CNTNAP2: variants seen among roughly 807,000 people sequenced by gnomAD.
The protein encoded by CNTNAP2 is contactin associated protein 2.
CNTNAP2 carries 98 observed loss-of-function variants against 155.2 expected under a neutral mutation model. That is an observed-to-expected ratio of 0.63 (90% CI 0.54 to 0.75). The LOEUF is 0.75. Ranked by LOEUF, CNTNAP2 falls within the 30% of genes least tolerant of loss-of-function variation. The pLI, the probability that CNTNAP2 is intolerant of heterozygous loss-of-function variation, is 0.00. For missense variants in CNTNAP2, 1,727 were observed against 1,688.1 expected (o/e 1.02, Z -0.40); for synonymous variants, 651 against 631.2 (o/e 1.03, Z -0.47).
rs1491151424 is a variant in CNTNAP2 at position 146,437,880 on chromosome 7, CGT to C, written c.97+320908_97+320909del. The stretch of plus-strand genomic sequence containing the variant: ...AAACTCATGTGCAATTCCCCAATCT[CGT>C]TTTTTTTTTTGTTTGTTTTTGTCCC... On this transcript the variant is annotated intron_variant, in intron 1 of 23. Transcript: ENST00000361727. Among the ~76,000 whole-genome samples the C allele has an allele frequency of 1.2e-4, 12 of 101,430 alleles. 1 individual carries two copies. Among genetic ancestry groups the C allele is most frequent in the Admixed American group, 1.1e-3 (11 of 10,378 alleles). The allele number at this position is 101,430 out of a possible 152,430, so 66.5% of individuals were successfully genotyped here. A position where few individuals can be genotyped will look rare whatever the true frequency, so the allele number is the denominator to read the frequency against.
intron 14 of CNTNAP2, among the ~76,000 whole-genome samples, chr7:147,915,965 G>A (rs564591782): frequency 3.9e-5 from 6 of 152,256 alleles, no homozygotes; most frequent in Non-Finnish European, 5.9e-5. Flanking sequence ...TTCCTAGAGC[G>A]TCTAACAGCT....
chr7:147,575,394 G>A (rs974426735), intron 12 of CNTNAP2, among the ~76,000 whole-genome samples: 8 of 148,688 alleles, frequency 5.4e-5, no homozygotes, highest in African/African-American at 1.8e-4. Flanking sequence ...GTGTGTGTGT[G>A]TGTGTGTGTG....
At chr7:147,725,435 G>T (rs905864524) in intron 13 of CNTNAP2, among the ~76,000 whole-genome samples, 3 of 152,048 alleles carry the variant, frequency 2.0e-5, no homozygotes, top group African/African-American at 7.2e-5. Context: ...TTCAGAAATT[G>T]TTTATGATCA....
intron 10 of CNTNAP2, among the ~76,000 whole-genome samples, chr7:147,456,077 T>C (rs1441908024): frequency 6.6e-6 from 1 of 152,180 alleles, no homozygotes; most frequent in Non-Finnish European, 1.5e-5. Context: ...TATGACTATA[T>C]TTGTATATAT....
intron 3 of CNTNAP2, among the ~76,000 whole-genome samples, chr7:146,950,712 G>A (rs1797292934): frequency 6.6e-6 from 1 of 152,054 alleles, no homozygotes. Context: ...ATCTGGGCTG[G>A]TTCCAAGTCT....
At chr7:147,949,440 G>GTGTATATATATATATATATATATA (rs374972144) in intron 14 of CNTNAP2, among the ~76,000 whole-genome samples, 2 of 127,364 alleles carry the variant, frequency 1.6e-5, no homozygotes, top group Admixed American at 8.0e-5. Flanking sequence ...TCAACTGTGT[G>GTGTATATATATATATATATATATA]TATATATATA....
At chr7:147,281,609 A>G (rs997368852) in intron 8 of CNTNAP2, among the ~76,000 whole-genome samples, 1 of 151,786 alleles carries the variant, frequency 6.6e-6, no homozygotes, top group Non-Finnish European at 1.5e-5. Context: ...CTTTTGATAA[A>G]TTAAATAATC....
intron 12 of CNTNAP2, among the ~76,000 whole-genome samples, chr7:147,581,783 G>A (rs1309992425): frequency 1.3e-5 from 2 of 152,082 alleles, no homozygotes; most frequent in African/African-American, 4.8e-5. Context: ...GTTTCTAGTG[G>A]TATGACTGTT....
At chr7:147,141,626 A>G (rs781417232) in intron 8 of CNTNAP2, among the ~76,000 whole-genome samples, 1 of 152,094 alleles carries the variant, frequency 6.6e-6, no homozygotes, top group Non-Finnish European at 1.5e-5. Flanking sequence ...AGCTTTAAAA[A>G]TTGCCCAGAG....
chr7:147,775,996 C>A (rs1797578957), intron 13 of CNTNAP2, among the ~76,000 whole-genome samples: 1 of 152,092 alleles, frequency 6.6e-6, no homozygotes, highest in South Asian at 2.1e-4. Flanking sequence ...ACAAACACTG[C>A]AGAGAAGTAG....
intron 3 of CNTNAP2, among the ~76,000 whole-genome samples, chr7:146,930,268 A>G (rs1297424670): frequency 1.3e-5 from 2 of 152,198 alleles, no homozygotes; most frequent in Non-Finnish European, 2.9e-5. Flanking sequence ...GCCAGAAGAG[A>G]GTGGGGGCCA....
At chr7:147,927,550 G>A (rs192044236) in intron 14 of CNTNAP2, among the ~76,000 whole-genome samples, 1 of 152,184 alleles carries the variant, frequency 6.6e-6, no homozygotes, top group African/African-American at 2.4e-5. Context: ...AAAAGAATTG[G>A]TAGGCATAGG....
chr7:146,625,791 C>T (rs761599015), intron 1 of CNTNAP2, among the ~76,000 whole-genome samples: 8 of 151,912 alleles, frequency 5.3e-5, no homozygotes, highest in East Asian at 1.9e-4. Flanking sequence ...AGTAATTCAG[C>T]GATGAGCTAT....
intron 3 of CNTNAP2, chr7:146,963,270 A>G (rs1480274775): frequency 1.3e-5 from 2 of 152,338 alleles, no homozygotes; most frequent in African/African-American, 4.8e-5. Flanking sequence ...ATAATTACCT[A>G]AATTACTCTG....
intron 3 of CNTNAP2, among the ~76,000 whole-genome samples, chr7:146,924,036 T>A (rs1307355652): frequency 2.0e-5 from 3 of 151,718 alleles, no homozygotes; most frequent in Non-Finnish European, 2.9e-5. Flanking sequence ...AAAGTATATG[T>A]TTTTTTTCTT....
At chr7:147,067,580 C>T (rs947969184) in intron 4 of CNTNAP2, among the ~76,000 whole-genome samples, 70 of 152,218 alleles carry the variant, frequency 4.6e-4, no homozygotes, top group African/African-American at 1.6e-3. Flanking sequence ...CCCACCTGTC[C>T]GACATTAATT....
chr7:146,505,337 A>G (rs1442939409), intron 1 of CNTNAP2, among the ~76,000 whole-genome samples: 3 of 152,262 alleles, frequency 2.0e-5, no homozygotes, highest in African/African-American at 2.4e-5. Flanking sequence ...AAGTAGGCAC[A>G]GGTACTAACA....
intron 9 of CNTNAP2, among the ~76,000 whole-genome samples, chr7:147,328,110 C>T (rs751411635): frequency 4.6e-5 from 7 of 152,112 alleles, no homozygotes; most frequent in Non-Finnish European, 7.4e-5. Flanking sequence ...AGGTTGGCCG[C>T]GAATGACAGG....
At chr7:146,750,406 A>C (rs1338649904) in intron 1 of CNTNAP2, among the ~76,000 whole-genome samples, 1 of 152,116 alleles carries the variant, frequency 6.6e-6, no homozygotes, top group African/African-American at 2.4e-5. Context: ...ATTTAACTAC[A>C]TGAGTGTGCC....
Sources: gnomAD v4.1 joint callset for allele counts (sites outside exome capture counted in the v4.1 genomes callset) on GRCh38, gnomAD v4.1.1 for gene constraint, MANE v1.5 for transcripts, NCBI Gene and HGNC (gene_info 2026-07-23, HGNC 2026-07-21) for gene names.